Variants in CDYL observed in about 807,000 individuals in gnomAD.
CDYL encodes chromodomain Y like.
Under a neutral mutation model 47.3 loss-of-function variants are expected in CDYL, and 8 were observed. That is an observed-to-expected ratio of 0.17 (90% CI 0.10 to 0.31). The LOEUF is 0.31. Ranked by LOEUF, CDYL falls within the 10% of genes least tolerant of loss-of-function variation. CDYL has a pLI of 1.00. For missense variants in CDYL, 471 were observed against 701.4 expected (o/e 0.67, Z 3.71); for synonymous variants, 266 against 265.0 (o/e 1.00, Z -0.04).
chr6:4,953,624 A>C (rs1034514462), intron 6 of CDYL, among the ~76,000 whole-genome samples: 1 of 152,206 alleles, frequency 6.6e-6, no homozygotes, highest in African/African-American at 2.4e-5. Flanking sequence ...AGTATGCGGC[A>C]GTGGCGCGGG....
At chr6:4,895,412 C>T (rs1425749209) in intron 2 of CDYL, among the ~76,000 whole-genome samples, 242 of 3,658 alleles carry the variant, frequency 0.066, 104 homozygotes, top group Non-Finnish European at 0.18. Context: ...TACATGTATA[C>T]GTATATATGC....
At chr6:4,939,106 G>A (rs754759993) in intron 4 of CDYL, among the ~76,000 whole-genome samples, 2 of 152,144 alleles carry the variant, frequency 1.3e-5, no homozygotes, top group Non-Finnish European at 2.9e-5. Flanking sequence ...AACGTAGACT[G>A]GCAAAATGGC....
At chr6:4,867,608 T>C (rs1238396748) in intron 1 of CDYL, among the ~76,000 whole-genome samples, 2 of 152,132 alleles carry the variant, frequency 1.3e-5, no homozygotes, top group African/African-American at 4.8e-5. Context: ...TCCATTAATA[T>C]GGAATATTAC....
At chr6:4,749,337 ATGGC>A (rs1190701129) in intron 3 of CDYL, among the ~76,000 whole-genome samples, 1 of 128,238 alleles carries the variant, frequency 7.8e-6, no homozygotes, top group East Asian at 2.4e-4. Context: ...GGATGGATGG[ATGGC>A]TGGATATGAG....
chr6:4,825,206 A>G (rs925554216), intron 1 of CDYL, among the ~76,000 whole-genome samples: 1 of 152,120 alleles, frequency 6.6e-6, no homozygotes, highest in African/African-American at 2.4e-5. Context: ...GCATGAACCT[A>G]TCACTTTTGG....
chr6:4,911,694 A>G (rs1757420108), intron 2 of CDYL, among the ~76,000 whole-genome samples: 5 of 152,144 alleles, frequency 3.3e-5, no homozygotes, highest in African/African-American at 1.2e-4. Context: ...AAGAATCTAT[A>G]ATTTTCAAAA....
intron 2 of CDYL, among the ~76,000 whole-genome samples, chr6:4,933,104 T>C (rs1363759251): frequency 6.6e-6 from 1 of 152,184 alleles, no homozygotes. Context: ...CCTTCCTGCT[T>C]CTCTGCTGCC....
intron 2 of CDYL, among the ~76,000 whole-genome samples, chr6:4,894,232 G>A (rs1009479948): frequency 2.6e-4 from 40 of 152,290 alleles, no homozygotes; most frequent in Admixed American, 7.2e-4. Context: ...GAACCAGAGC[G>A]CGTGCCTTAG....
At chr6:4,936,750 A>T (rs955235313) in intron 3 of CDYL, among the ~76,000 whole-genome samples, 2 of 152,196 alleles carry the variant, frequency 1.3e-5, no homozygotes, top group African/African-American at 2.4e-5. Flanking sequence ...GTTTCTTTCA[A>T]CTGGTTTGAA....
chr6:4,815,972 G>T (rs1431645507), intron 1 of CDYL, among the ~76,000 whole-genome samples: 1 of 140,454 alleles, frequency 7.1e-6, no homozygotes, highest in Admixed American at 7.1e-5. Flanking sequence ...ATTTTTATAG[G>T]TTTTTTTTTT....
chr6:4,738,888 G>T (rs974597175), intron 3 of CDYL, among the ~76,000 whole-genome samples: 2 of 152,202 alleles, frequency 1.3e-5, no homozygotes, highest in Non-Finnish European at 1.5e-5. Flanking sequence ...GTGGCCGGGC[G>T]CAGCGGCTCA....
intron 3 of CDYL, among the ~76,000 whole-genome samples, chr6:4,749,103 TTTCCCAAACAAATGACC>T (rs1219792836): frequency 2.6e-5 from 4 of 152,342 alleles, no homozygotes; most frequent in African/African-American, 9.6e-5. Context: ...TCTACTCCAT[TTTCCCAAACAAATGACC>T]TTCTCAAAAA....
intron 1 of CDYL, among the ~76,000 whole-genome samples, chr6:4,842,909 C>G (rs1430397178): frequency 6.6e-6 from 1 of 151,944 alleles, no homozygotes; most frequent in Non-Finnish European, 1.5e-5. Flanking sequence ...TGGTGTATGT[C>G]AAGGATTTGT....
intron 2 of CDYL, among the ~76,000 whole-genome samples, chr6:4,926,020 C>T (rs1301919144): frequency 5.9e-5 from 9 of 152,120 alleles, no homozygotes. Context: ...TATCTCCCTG[C>T]TAAATCCTAA....
At chr6:4,860,513 AAT>A (rs901657209) in intron 1 of CDYL, among the ~76,000 whole-genome samples, 1 of 147,498 alleles carries the variant, frequency 6.8e-6, no homozygotes, top group African/African-American at 2.5e-5. Flanking sequence ...ATATATAAAA[AAT>A]ATATATATAA....
At chr6:4,738,988 C>T (rs918046815) in intron 3 of CDYL, among the ~76,000 whole-genome samples, 1 of 151,880 alleles carries the variant, frequency 6.6e-6, no homozygotes, top group African/African-American at 2.4e-5. Context: ...ATGGAGAAAC[C>T]CCATCTCTAC....
intron 1 of CDYL, among the ~76,000 whole-genome samples, chr6:4,781,057 A>G (rs141008209): frequency 6.6e-6 from 1 of 151,966 alleles, no homozygotes; most frequent in African/African-American, 2.4e-5. Context: ...TAAGCTCTCA[A>G]TGATTAGTCT....
chr6:4,709,920 C>T lies in CDYL; in HGVS notation c.-39+3669C>T, dbSNP rs143267031. 8.6e-3 allele frequency among the ~76,000 whole-genome samples: 1,314 copies of T among 152,018 alleles called. 52 individuals carry two copies. Among genetic ancestry groups the T allele is most frequent in the Admixed American group, 0.067 (1,028 of 15,264 alleles). On this transcript the variant is annotated intron_variant, in intron 1 of 8. Transcript: ENST00000328908. Reference sequence around the variant, plus strand: ...TTATTCAAGATAGCTAGCATTTTTTCCCCTTAAAACATCTCTTTGGCCAGG... The same window carrying T: ...TTATTCAAGATAGCTAGCATTTTTTTCCCTTAAAACATCTCTTTGGCCAGG...
intron 3 of CDYL, among the ~76,000 whole-genome samples, chr6:4,753,353 G>T (rs1482152299): frequency 6.6e-6 from 1 of 152,156 alleles, no homozygotes; most frequent in Non-Finnish European, 1.5e-5. Flanking sequence ...TTCCTCTTGG[G>T]CTGTCAGTGC....
Sources: allele counts gnomAD v4.1 joint callset (sites outside exome capture counted in the v4.1 genomes callset), GRCh38; gene constraint gnomAD v4.1.1; transcripts MANE v1.5; gene names NCBI Gene and HGNC (gene_info 2026-07-23, HGNC 2026-07-21).